AKAP14: variants seen among roughly 807,000 people sequenced by gnomAD.
AKAP14 encodes the protein A-kinase anchoring protein 14.
Under a neutral mutation model 17.0 loss-of-function variants are expected in AKAP14, and 4 were observed. The observed-to-expected ratio is 0.23, with a 90% CI of 0.12 to 0.54. The LOEUF (loss-of-function observed/expected upper bound fraction) is 0.54. AKAP14 is among the 20% of genes least tolerant of loss of function. The pLI is 0.95. For missense variants in AKAP14, 129 were observed against 150.9 expected, an observed-to-expected ratio of 0.85 and a Z score of 0.76; for synonymous variants, 42 against 51.3, an observed-to-expected ratio of 0.82 and a Z score of 0.77.
At chrX:119,917,093 G>A (rs1474641053) in intron 5 of AKAP14, among the ~76,000 whole-genome samples, 2 of 99,636 alleles carry the variant, frequency 2.0e-5, no homozygotes, top group African/African-American at 3.6e-5. Context: ...GTGACAGAGC[G>A]AGACTCCGTC....
chrX:119,903,216 A>G lies in AKAP14; in HGVS notation c.-8A>G, dbSNP rs750002424. 1 of 1,207,923 alleles carries G rather than the reference A, an allele frequency of 8.3e-7. No individual in the cohort carries two copies. The highest frequency in any genetic ancestry group is 1.1e-6 in the Non-Finnish European group (1 of 894,198). On this transcript the variant is annotated splice_region_variant and 5_prime_UTR_variant, in exon 3 of 7. Coordinates refer to ENST00000371431, the MANE Select transcript of AKAP14 (RefSeq NM_178813.6). Reference sequence around the variant, plus strand: ...CAGTAACTTCTTTTTTTCCCCAGGAAAAAGAAAATGAGTGAGACTCAAAAT... The same window carrying G: ...CAGTAACTTCTTTTTTTCCCCAGGAGAAAGAAAATGAGTGAGACTCAAAAT...
intron 5 of AKAP14, 150 bp from the exon 6 acceptor site, chrX:119,919,761 A>T (rs2056678376): frequency 2.0e-6 from 1 of 499,642 alleles, no homozygotes; most frequent in Admixed American, 3.6e-5. Flanking sequence ...CAGGAGAATC[A>T]CTTGAACCCA....
chrX:119,906,199 C>T (rs979811216), intron 4 of AKAP14, among the ~76,000 whole-genome samples: 1 of 108,425 alleles, frequency 9.2e-6, no homozygotes, highest in African/African-American at 3.4e-5. Flanking sequence ...GTTCCCAGCC[C>T]CACTAATGCA....
intron 2 of AKAP14, among the ~76,000 whole-genome samples, chrX:119,899,275 A>C (rs1010484084): frequency 9.0e-6 from 1 of 110,984 alleles, no homozygotes; most frequent in Admixed American, 9.7e-5. Flanking sequence ...TGGGCTGTGA[A>C]GCCAGACACT....
intron 2 of AKAP14, among the ~76,000 whole-genome samples, chrX:119,898,896 C>T (rs888278309): frequency 9.5e-5 from 10 of 105,124 alleles, no homozygotes; most frequent in East Asian, 3.0e-4. Context: ...AGGCCAGGCG[C>T]GATGGCTCAC....
At chrX:119,902,561 T>C (rs1259973076) in intron 2 of AKAP14, among the ~76,000 whole-genome samples, 1 of 111,472 alleles carries the variant, frequency 9.0e-6, no homozygotes. Context: ...CCAGGTGCCC[T>C]CAGTTGCTCC....
At chrX:119,912,905 C>T (rs774426246) in intron 4 of AKAP14, among the ~76,000 whole-genome samples, 43 of 110,878 alleles carry the variant, frequency 3.9e-4, no homozygotes, top group African/African-American at 1.3e-3. Context: ...GTATTCCCAT[C>T]TCAACTCCAA....
chrX:119,911,722 T>C (rs912601058), intron 4 of AKAP14, among the ~76,000 whole-genome samples: 5 of 110,249 alleles, frequency 4.5e-5, no homozygotes, highest in Non-Finnish European at 9.5e-5. Context: ...TTTTTTTTTT[T>C]CTGAGACAAG....
At chrX:119,897,613 G>C (rs1009022817) in intron 2 of AKAP14, among the ~76,000 whole-genome samples, 2 of 112,291 alleles carry the variant, frequency 1.8e-5, no homozygotes, top group African/African-American at 3.2e-5. Context: ...GCCTAAGTAA[G>C]GGCTAGGGAG....
At chrX:119,901,902 G>C (rs1376408015) in intron 2 of AKAP14, among the ~76,000 whole-genome samples, 1 of 105,965 alleles carries the variant, frequency 9.4e-6, no homozygotes, top group Non-Finnish European at 1.9e-5. Flanking sequence ...CCAGCTACTC[G>C]GGAGGCTGAA....
intron 4 of AKAP14, among the ~76,000 whole-genome samples, chrX:119,913,299 A>T (rs1367477219): frequency 8.9e-6 from 1 of 112,086 alleles, no homozygotes; most frequent in African/African-American, 3.2e-5. Context: ...GCTACAATTA[A>T]GTGAGTTGGA....
chrX:119,916,429 A>G (rs1050065582), intron 5 of AKAP14, among the ~76,000 whole-genome samples: 3 of 92,234 alleles, frequency 3.3e-5, no homozygotes, highest in African/African-American at 1.2e-4. Flanking sequence ...CTGTCTGCCT[A>G]TCTAATCTAT....
chrX:119,902,879 C>T (rs1396935397), intron 2 of AKAP14, among the ~76,000 whole-genome samples: 5 of 111,356 alleles, frequency 4.5e-5, no homozygotes, highest in Admixed American at 3.8e-4. Flanking sequence ...TTAGTAGAGA[C>T]GGGGTTTCAC....
At chrX:119,899,166 C>CAA (rs56354303) in intron 2 of AKAP14, among the ~76,000 whole-genome samples, 1 of 49,848 alleles carries the variant, frequency 2.0e-5, no homozygotes, top group Non-Finnish European at 3.6e-5. Flanking sequence ...GACTCTGTCT[C>CAA]AAAAAAAAAA....
chrX:119,905,279 T>TG (rs1311456327), intron 4 of AKAP14, among the ~76,000 whole-genome samples: 1 of 111,993 alleles, frequency 8.9e-6, no homozygotes, highest in Non-Finnish European at 1.9e-5. Context: ...ACGCCTTCTA[T>TG]GCTCCAGCGG....
intron 2 of AKAP14, among the ~76,000 whole-genome samples, chrX:119,897,317 G>A (rs983952005): frequency 1.8e-5 from 2 of 109,046 alleles, no homozygotes; most frequent in South Asian, 3.9e-4. Context: ...CCGCCACCAC[G>A]GCTGGCTAAT....
At chrX:119,920,035 G>A (rs2056680172) in intron 6 of AKAP14, 72 bp downstream of exon 6, 10 of 1,051,604 alleles carry the variant, frequency 9.5e-6, no homozygotes, top group African/African-American at 1.9e-5. Flanking sequence ...TCCAGCAGTT[G>A]CGCAACAACA....
In AKAP14 at chrX:119,914,799, T is replaced by G; in HGVS notation, c.362T>G (p.Ile121Ser). The change falls in exon 5 of 7, where the codon ATC (isoleucine) becomes AGC (serine). Residue 121 changes from isoleucine to serine, a missense_variant. Coordinates refer to ENST00000371431, the MANE Select transcript of AKAP14 (RefSeq NM_178813.6). ...FLYIYYVHWS[I>S]STADLPVARI... ...TACATCTACTATGTACACTGGAGTA[T>G]CTCAACTGCTGACCTACCCGTAGCA... is the stretch of plus-strand genomic sequence containing the variant. 2 of 1,210,640 alleles carry G rather than the reference T, an allele frequency of 1.7e-6. No homozygotes were observed. Among genetic ancestry groups the G allele is most frequent in the Non-Finnish European group, 2.2e-6 (2 of 894,610 alleles).
At chrX:119,909,316 G>A (rs1039496444) in intron 4 of AKAP14, among the ~76,000 whole-genome samples, 1 of 108,794 alleles carries the variant, frequency 9.2e-6, no homozygotes, top group Non-Finnish European at 1.9e-5. Flanking sequence ...GTGAAACTCC[G>A]TCTCTACTAT....
Sources: allele counts gnomAD v4.1 joint callset (sites outside exome capture counted in the v4.1 genomes callset), GRCh38; gene constraint gnomAD v4.1.1; transcripts MANE v1.5; gene names NCBI Gene and HGNC (gene_info 2026-07-23, HGNC 2026-07-21).